Variants in MYH8 observed in about 807,000 individuals in gnomAD.
MYH8 encodes the protein myosin-8.
In MYH8, 168 loss-of-function variants were observed where a neutral mutation model predicts 233.2. The ratio of observed to expected loss-of-function variants is 0.72; its 90% CI spans 0.64 to 0.82. The LOEUF (loss-of-function observed/expected upper bound fraction) is 0.82, where lower values mean the gene tolerates loss of function less well. Among genes scored for constraint, MYH8 ranks in the 40% least tolerant of loss-of-function variants. The pLI, the probability that MYH8 is intolerant of heterozygous loss-of-function variation, is 0.00. For synonymous variants in MYH8, 785 were observed against 850.6 expected (o/e 0.92, Z 1.34); for missense variants, 1,995 against 2,327.8 (o/e 0.86, Z 2.94).
chr17:10,394,476 C>T, intron 34 of MYH8, 24 bp from the exon 35 acceptor site: 4 of 1,612,656 alleles, frequency 2.5e-6, no homozygotes, highest in Middle Eastern at 1.7e-4. Flanking sequence ...AACAGAAAGG[C>T]CTTAAGTGTT....
At chr17:10,414,100 T>A in intron 11 of MYH8, 60 bp from the exon 12 acceptor site, 1 of 1,611,580 alleles carries the variant, frequency 6.2e-7, no homozygotes, top group Non-Finnish European at 8.5e-7. Context: ...ATAAGAGAAT[T>A]TATACATATC....
chr17:10,394,379 C>G lies in MYH8; in HGVS notation c.5036G>C (p.Arg1679Pro). ...CTCAGCCTGCAGCAGGTTGGCTCTG[C>G]GCTCCACAATTGCCAGCTGTTCCTT... ...DLKEQLAIVE[R>P]RANLLQAEIE... Residue 1679 changes from arginine (R) to proline (P), a missense_variant, in exon 35 of 40, where the codon CGC becomes CCC. Transcript: ENST00000403437. 6.2e-7 allele frequency: 1 copy of G among 1,614,124 alleles called. No individual in the cohort carries two copies. The highest frequency in any genetic ancestry group is 8.5e-7 in the Non-Finnish European group (1 of 1,180,034).
intron 33 of MYH8, 81 bp from the exon 34 acceptor site, chr17:10,395,522 CA>C: frequency 7.2e-7 from 1 of 1,395,462 alleles, no homozygotes; most frequent in Non-Finnish European, 1.0e-6. Context: ...AAACTCTTGT[CA>C]ATATCAGTTT....
chr17:10,416,921 T>C (rs886807399), intron 5 of MYH8, among the ~76,000 whole-genome samples: 1 of 152,342 alleles, frequency 6.6e-6, no homozygotes, highest in African/African-American at 2.4e-5. Context: ...TAGAAATTGC[T>C]TAGGCCAACT....
intron 30 of MYH8, 60 bp from the exon 31 acceptor site, chr17:10,397,046 C>T: frequency 6.4e-7 from 1 of 1,552,260 alleles, no homozygotes; most frequent in South Asian, 1.1e-5. Flanking sequence ...GTGATAACCT[C>T]CTTGGTCCCT....
chr17:10,399,517 T>A (rs2072114105), intron 28 of MYH8, 26 bp downstream of exon 28: 1 of 1,612,536 alleles, frequency 6.2e-7, no homozygotes, highest in South Asian at 1.1e-5. Context: ...GTCCATGGTG[T>A]TGGGACCCAG....
intron 30 of MYH8, 117 bp from the exon 31 acceptor site, chr17:10,397,103 A>T: frequency 1.6e-6 from 2 of 1,267,284 alleles, no homozygotes; most frequent in Non-Finnish European, 1.1e-6. Context: ...TTTTTTTGAG[A>T]GACGGAGTCT....
At chr17:10,410,655 A>G (rs1419995498) in intron 15 of MYH8, 122 bp downstream of exon 15, 1 of 1,476,034 alleles carries the variant, frequency 6.8e-7, no homozygotes, top group Non-Finnish European at 9.5e-7. Context: ...ATTTCTAAAT[A>G]GTAATTTTCC....
In MYH8 at chr17:10,399,547, T is replaced by C; in HGVS notation, c.3858A>G (p.Glu1286=). The change falls in exon 28 of 40, where the codon GAA becomes GAG. Residue 1286 remains glutamate, a synonymous_variant. Transcript: ENST00000403437. ...LTAQRARLQT[E]AGEYSRQLDE... ...ACCCAGAGAAGATGTCTTTACCCGC[T>C]TCTGTCTGCAGGCGCGCTCTCTGTG... 3 of 1,613,498 alleles carry C rather than the reference T, an allele frequency of 1.9e-6. No individual in the cohort carries two copies. The highest frequency in any genetic ancestry group is 2.2e-5 in the South Asian group (2 of 91,062).
chr17:10,395,091 C>G (rs2072066653), intron 34 of MYH8, 42 bp downstream of exon 34: 1 of 1,608,138 alleles, frequency 6.2e-7, no homozygotes, highest in African/African-American at 1.3e-5. Context: ...AAGACAGGTA[C>G]TTTCCCTGCT....
In MYH8 at chr17:10,398,582, C is replaced by G; in HGVS notation, c.4040G>C (p.Arg1347Pro). 6.2e-7 allele frequency: 1 copy of G among 1,614,202 alleles called. No individual in the cohort carries two copies. Among genetic ancestry groups the G allele is most frequent in the Non-Finnish European group, 8.5e-7 (1 of 1,180,034 alleles). Residue 1347 changes from arginine to proline, a missense_variant, in exon 30 of 40, where the codon CGG becomes CCG. Physicochemically the swap from Arg to Pro is moderately radical, Grantham distance 103 (BLOSUM62 -2). Coordinates refer to ENST00000403437, the MANE Select transcript of MYH8 (RefSeq NM_002472.3). ...QSSRHDCDLL[R>P]EQYEEEQEGK... Reference sequence around the variant, plus strand: ...TTCCTGCTCTTCCTCATACTGTTCCCGCAGCAGGTCGCAGTCATGGCGGGA... The same window carrying G: ...TTCCTGCTCTTCCTCATACTGTTCCGGCAGCAGGTCGCAGTCATGGCGGGA...
intron 30 of MYH8, among the ~76,000 whole-genome samples, chr17:10,397,235 C>T (rs2072088452): frequency 6.6e-6 from 1 of 152,068 alleles, no homozygotes; most frequent in Admixed American, 6.5e-5. Context: ...CACCACCATG[C>T]CCAGCTAATT....
intron 28 of MYH8, 108 bp from the exon 29 acceptor site, chr17:10,398,994 G>GTGTGTA (rs1555555758): frequency 5.1e-5 from 16 of 312,712 alleles, no homozygotes; most frequent in African/African-American, 1.7e-4. Flanking sequence ...ATGTGTGTGT[G>GTGTGTA]TATATATATA....
Position 10,395,196 on chromosome 17 carries a change from G to A in MYH8, c.4899C>T (p.Asn1633=). ...GDLNEMEIQL[N]HANRLAAESL... ...TCTCTGCAGCTAAGCGATTGGCATG[G>A]TTCAGCTGGATTTCCATTTCATTCA... The change falls in exon 34 of 40, where the codon AAC becomes AAT. Residue 1633 remains asparagine, a synonymous_variant. Coordinates refer to ENST00000403437, the MANE Select transcript of MYH8 (RefSeq NM_002472.3). 3 of 1,614,130 alleles carry A rather than the reference G, an allele frequency of 1.9e-6. No individual in the cohort carries two copies. Among genetic ancestry groups the A allele is most frequent in the Non-Finnish European group, 2.5e-6 (3 of 1,180,032 alleles).
Position 10,420,075 on chromosome 17 carries a change from C to T in MYH8, c.153G>A (p.Lys51=), listed in dbSNP as rs952081605. 1.2e-6 allele frequency: 2 copies of T among 1,614,118 alleles called. No individual in the cohort carries two copies. The highest frequency in any genetic ancestry group is 1.7e-6 in the Non-Finnish European group (2 of 1,180,048). ...CTCCTTCTTTGCTTTGTATAGTGCT[C>T]TTCACATAGGATTCCTTGGGCTCCG... is the stretch of plus-strand genomic sequence containing the variant. ...FVAEPKESYV[K]STIQSKEGGK... The change falls in exon 3 of 40, where the codon AAG becomes AAA. Residue 51 remains lysine, a synonymous_variant. Coordinates refer to ENST00000403437, the MANE Select transcript of MYH8 (RefSeq NM_002472.3).
chr17:10,394,114 A>G, intron 35 of MYH8, 135 bp downstream of exon 35: 1 of 1,223,610 alleles, frequency 8.2e-7, no homozygotes, highest in East Asian at 2.5e-5. Context: ...CTAAGATAAT[A>G]GCAATGAGTA....
intron 28 of MYH8, 74 bp from the exon 29 acceptor site, chr17:10,398,960 G>A (rs1454300683): frequency 2.5e-6 from 2 of 801,430 alleles, no homozygotes; most frequent in Admixed American, 3.6e-5. Flanking sequence ...TTATATATGT[G>A]TGTGTGTATA....
rs756137898 is a variant in MYH8, at chr17:10,396,962, T to C, written c.4203A>G (p.Gln1401=). 4 of 1,614,236 alleles carry C rather than the reference T, an allele frequency of 2.5e-6. No homozygotes were observed. The highest frequency in any genetic ancestry group is 2.2e-5 in the South Asian group (2 of 91,084). The part of the protein sequence containing the change: ...EAKKKLAQRL[Q]EAEEHVEAVN... ...CAGCTTCTACATGTTCCTCAGCTTCTTGCAGGCGCTGGGCCAACTTTTTCC... is the reference window on the plus strand; with the variant it reads ...CAGCTTCTACATGTTCCTCAGCTTCCTGCAGGCGCTGGGCCAACTTTTTCC... The change falls in exon 31 of 40, where the codon CAA becomes CAG. Residue 1401 remains glutamine, a synonymous_variant. Transcript: ENST00000403437. This position sits in a 1 kb window ranked among gnomAD's most constrained non-coding sequence, Gnocchi z 4.2.
chr17:10,406,053 A>G lies in MYH8; in HGVS notation c.2420T>C (p.Met807Thr). 2 of 1,613,966 alleles carry G rather than the reference A, an allele frequency of 1.2e-6. No homozygotes were observed. The highest frequency in any genetic ancestry group is 1.7e-6 in the Non-Finnish European group (2 of 1,179,960). The change falls in exon 21 of 40, where the codon ATG becomes ACG. Residue 807 changes from methionine (M) to threonine (T), a missense_variant. Met to Thr is a moderately conservative substitution (Grantham distance 81). Around this residue, in one of 3 missense-constraint regions of MYH8, gnomAD observed 1,498 missense variants for 1,680.9 expected, o/e 0.89. Coordinates refer to ENST00000403437, the MANE Select transcript of MYH8 (RefSeq NM_002472.3). ...GFLMRVEYQK[M>T]LQRREALFCI... is the part of the protein sequence containing the mutation. Reference sequence around the variant, plus strand: ...GAATGATTGTTACCTCCTTTGCAACATCTTCTGATATTCTACCCTCATTAG... The same window carrying G: ...GAATGATTGTTACCTCCTTTGCAACGTCTTCTGATATTCTACCCTCATTAG...
Sources: gnomAD v4.1 joint callset for allele counts (sites outside exome capture counted in the v4.1 genomes callset) on GRCh38, gnomAD v4.1.1 for gene constraint, gnomAD v4.1.1 regional missense constraint, Gnocchi (gnomAD v3.1) non-coding constraint, MANE v1.5 for transcripts, NCBI Gene and HGNC (gene_info 2026-07-23, HGNC 2026-07-21) for gene names.